Variants in KSR2 observed in about 807,000 individuals in gnomAD.
The protein encoded by KSR2 is kinase suppressor of ras 2.
KSR2 carries 25 observed loss-of-function variants against 107.8 expected under a neutral mutation model. That is an observed-to-expected ratio of 0.23 (90% confidence interval 0.17 to 0.32). The LOEUF (loss-of-function observed/expected upper bound fraction) is 0.32. Among genes scored for constraint, KSR2 ranks in the 10% least tolerant of loss-of-function variants. The probability of loss-of-function intolerance (pLI) is 1.00; values close to 1 mark genes in which losing one functional copy is unlikely to be tolerated. For synonymous variants in KSR2, 480 were observed against 507.0 expected (o/e 0.95, Z 0.71); for missense variants, 887 against 1,268.9 (o/e 0.70, Z 4.57).
chr12:117,731,733 AC>A (rs1191474577), intron 4 of KSR2, among the ~76,000 whole-genome samples: 1 of 151,686 alleles, frequency 6.6e-6, no homozygotes, highest in East Asian at 1.9e-4. Flanking sequence ...CTGTGACCTT[AC>A]CCCCAACCCC....
At chr12:117,921,490 C>T (rs1000076415) in intron 1 of KSR2, among the ~76,000 whole-genome samples, 7 of 152,084 alleles carry the variant, frequency 4.6e-5, no homozygotes, top group East Asian at 1.9e-4. Context: ...CCTGGCCTCA[C>T]GGTATCCTCT....
chr12:117,754,454 A>G (rs1297113207), intron 4 of KSR2, among the ~76,000 whole-genome samples: 2 of 151,976 alleles, frequency 1.3e-5, no homozygotes, highest in Admixed American at 6.6e-5. Flanking sequence ...CCTGATCAAC[A>G]TGGTGAAATC....
chr12:117,639,302 C>T (rs1401740628), intron 5 of KSR2, among the ~76,000 whole-genome samples: 4 of 151,578 alleles, frequency 2.6e-5, no homozygotes, highest in South Asian at 2.1e-4. Context: ...TATGTAGACA[C>T]ACTAGTTTAT....
intron 9 of KSR2, 92 bp downstream of exon 9, chr12:117,555,077 G>A (rs574008993): frequency 1.7e-5 from 25 of 1,487,086 alleles, no homozygotes; most frequent in African/African-American, 5.5e-5. Flanking sequence ...AGGAGGGAGC[G>A]CCATACTCCC....
At chr12:117,575,974 A>T (rs1174720837) in intron 7 of KSR2, among the ~76,000 whole-genome samples, 1 of 152,262 alleles carries the variant, frequency 6.6e-6, no homozygotes, top group East Asian at 1.9e-4. Flanking sequence ...CTGGGACCCA[A>T]ACTCAGTTCT....
intron 1 of KSR2, among the ~76,000 whole-genome samples, chr12:117,883,103 T>C (rs1391053489): frequency 2.0e-5 from 3 of 152,138 alleles, no homozygotes; most frequent in Admixed American, 6.5e-5. Context: ...ATCCATCCAT[T>C]CAGCTATCTA....
In KSR2 at chr12:117,761,203, G is replaced by A; in HGVS notation, c.794C>T (p.Pro265Leu). Reference sequence around the variant, plus strand: ...CGGGGTCACGGTGGTGACGATGTTGGGGGTGCGCGGCGGGGTGCGGACCGC... The same window carrying A: ...CGGGGTCACGGTGGTGACGATGTTGAGGGTGCGCGGCGGGGTGCGGACCGC... ...RHAVRTPPRTPNIVTTVTPPG... is the reference protein window; with the variant it reads ...RHAVRTPPRTLNIVTTVTPPG... The change falls in exon 4 of 20, where the codon CCC becomes CTC. Residue 265 changes from proline (P) to leucine (L), a missense_variant. Pro to Leu is a moderately conservative substitution (Grantham distance 98). Around this residue, in one of 8 missense-constraint regions of KSR2, gnomAD observed 399 missense variants for 479.5 expected, o/e 0.83. Transcript: ENST00000339824. 6.3e-7 allele frequency: 1 copy of A among 1,578,634 alleles called. No individual in the cohort carries two copies. The highest frequency in any genetic ancestry group is 8.6e-7 in the Non-Finnish European group (1 of 1,161,504).
At chr12:117,699,668 G>A (rs112772670) in intron 4 of KSR2, among the ~76,000 whole-genome samples, 3,137 of 152,296 alleles carry the variant, frequency 0.021, 72 homozygotes, top group African/African-American at 0.051. Flanking sequence ...AATGGAGCTT[G>A]TAGGACTGGA....
chr12:117,903,055 T>C (rs10774966), intron 1 of KSR2, among the ~76,000 whole-genome samples: 76,301 of 152,092 alleles, frequency 0.5, 21,625 homozygotes, highest in East Asian at 0.89. Context: ...GCAAGGCCCC[T>C]ACAAAGGTGA....
chr12:117,676,198 T>A (rs1183341331), intron 4 of KSR2, among the ~76,000 whole-genome samples: 1 of 152,202 alleles, frequency 6.6e-6, no homozygotes, highest in Non-Finnish European at 1.5e-5. Context: ...GAATCTGCTC[T>A]GTTATTGGCC....
intron 3 of KSR2, among the ~76,000 whole-genome samples, chr12:117,850,079 C>A (rs866703071): frequency 1.3e-5 from 2 of 152,210 alleles, no homozygotes; most frequent in South Asian, 4.1e-4. Flanking sequence ...TGGTTAGAAG[C>A]TTCAAGGAAC....
chr12:117,487,379 C>T (rs769477741), intron 14 of KSR2, among the ~76,000 whole-genome samples: 8 of 152,182 alleles, frequency 5.3e-5, no homozygotes, highest in Non-Finnish European at 1.2e-4. Context: ...GTAGCTGACT[C>T]ACAGAAAGTC....
At chr12:117,687,669 CG>C (rs1447913357) in intron 4 of KSR2, among the ~76,000 whole-genome samples, 1 of 152,144 alleles carries the variant, frequency 6.6e-6, no homozygotes, top group Non-Finnish European at 1.5e-5. Flanking sequence ...CACTCCACCT[CG>C]GGGAATTCTC....
At chr12:117,940,129 T>A (rs983168197) in intron 1 of KSR2, among the ~76,000 whole-genome samples, 1 of 152,158 alleles carries the variant, frequency 6.6e-6, no homozygotes, top group Non-Finnish European at 1.5e-5. Context: ...CTTAAAAACG[T>A]CAATACTGGA....
At chr12:117,678,551 A>G (rs1885237678) in intron 4 of KSR2, among the ~76,000 whole-genome samples, 1 of 152,228 alleles carries the variant, frequency 6.6e-6, no homozygotes, top group African/African-American at 2.4e-5. Flanking sequence ...GGTACAAAAC[A>G]GAACTGCTGA....
At position 117,539,869 on chromosome 12, in the gene KSR2, A is replaced by G; in HGVS notation, c.1537T>C (p.Tyr513His). The G allele has an allele frequency of 6.2e-7, 1 of 1,610,044 alleles. No individual in the cohort carries two copies. Among genetic ancestry groups the G allele is most frequent in the Non-Finnish European group, 8.5e-7 (1 of 1,178,488 alleles). ...GGGTTGCTGCTGGAGTCTGGCTGGT[A>G]AGGGACAGGGATGTGGTCCTGCAGA... The part of the protein sequence containing the change: ...KINKDHIPVP[Y>H]QPDSSSNPSS... Residue 513 changes from tyrosine to histidine, a missense_variant, in exon 10 of 20, where the codon TAC becomes CAC. Tyr to His is a moderately conservative substitution (Grantham distance 83). Around this residue, in one of 8 missense-constraint regions of KSR2, gnomAD observed 5 missense variants for 30.4 expected, o/e 0.16. Transcript: ENST00000339824.
intron 5 of KSR2, among the ~76,000 whole-genome samples, chr12:117,583,498 C>G (rs904662743): frequency 6.7e-6 from 1 of 148,592 alleles, no homozygotes; most frequent in Non-Finnish European, 1.5e-5. Context: ...AGTGGATAGA[C>G]AGGTGGGTGG....
intron 4 of KSR2, among the ~76,000 whole-genome samples, chr12:117,742,755 G>A (rs7953185): frequency 6.6e-6 from 1 of 152,240 alleles, no homozygotes; most frequent in East Asian, 1.9e-4. Context: ...TATTTTGAAG[G>A]CTTAACCAAC....
Position 117,524,011 on chromosome 12 carries a change from C to T in KSR2, c.2219+841G>A, listed in dbSNP as rs543232560. ...ATCTTAATCAGGGGTTTGCAGACTA[C>T]GGCCCATGGGACAAATACAGCCCAC... On this transcript the variant is annotated intron_variant, in intron 14 of 19. Coordinates refer to ENST00000339824, the MANE Select transcript of KSR2 (RefSeq NM_173598.6). 3.7e-4 allele frequency among the ~76,000 whole-genome samples: 56 copies of T among 152,216 alleles called. 1 individual carries two copies. The South Asian group carries it at 0.011, about 29-fold the overall frequency.
Sources: allele counts gnomAD v4.1 joint callset (sites outside exome capture counted in the v4.1 genomes callset), GRCh38; gene constraint gnomAD v4.1.1; regional missense constraint gnomAD v4.1.1; transcripts MANE v1.5; gene names NCBI Gene and HGNC (gene_info 2026-07-23, HGNC 2026-07-21).